Variants in FHOD3 observed in about 807,000 individuals in gnomAD.
FHOD3 encodes the protein FH1/FH2 domain-containing protein 3.
Under a neutral mutation model 173.0 loss-of-function variants are expected in FHOD3, and 90 were observed. That is an observed-to-expected ratio of 0.52 (90% CI 0.44 to 0.62). The LOEUF is 0.62. FHOD3 is among the 20% of genes least tolerant of loss of function. The probability of loss-of-function intolerance (pLI) is 0.00; values close to 1 mark genes in which losing one functional copy is unlikely to be tolerated. For synonymous variants in FHOD3, 828 were observed against 823.0 expected (o/e 1.01, Z -0.10); for missense variants, 1,945 against 2,034.7 (o/e 0.96, Z 0.85).
intron 3 of FHOD3, among the ~76,000 whole-genome samples, chr18:36,436,570 G>T (rs113257015): frequency 1.3e-5 from 2 of 152,128 alleles, no homozygotes; most frequent in East Asian, 1.9e-4. Flanking sequence ...TAACTGCAGC[G>T]ATTTGTGACG....
At chr18:36,755,517 A>C (rs769696755) in intron 25 of FHOD3, among the ~76,000 whole-genome samples, 1 of 149,704 alleles carries the variant, frequency 6.7e-6, no homozygotes, top group Non-Finnish European at 1.5e-5. Flanking sequence ...GAGCTAGGAG[A>C]TGTAAAGTTC....
chr18:36,621,279 T>C (rs1192430483), intron 9 of FHOD3, among the ~76,000 whole-genome samples: 1 of 152,186 alleles, frequency 6.6e-6, no homozygotes, highest in Non-Finnish European at 1.5e-5. Context: ...AATTAATAGG[T>C]CCAATCTCTG....
intron 2 of FHOD3, among the ~76,000 whole-genome samples, chr18:36,362,097 GAAAAATGACCTGCAA>G (rs550269812): frequency 5.1e-4 from 78 of 152,340 alleles, no homozygotes; most frequent in African/African-American, 1.9e-3. Flanking sequence ...TCAGACAGAA[GAAAAATGACCTGCAA>G]AGAGAGCCCC....
chr18:36,371,002 T>C (rs780676187), intron 2 of FHOD3, among the ~76,000 whole-genome samples: 4 of 152,194 alleles, frequency 2.6e-5, no homozygotes, highest in Admixed American at 6.5e-5. Flanking sequence ...GAGTTTTTTG[T>C]GGAGAATATG....
chr18:36,557,895 T>G (rs2057950500), intron 5 of FHOD3, among the ~76,000 whole-genome samples: 1 of 152,226 alleles, frequency 6.6e-6, no homozygotes, highest in Non-Finnish European at 1.5e-5. Context: ...TTTTTAAGAT[T>G]CGTTAGGTGA....
chr18:36,760,886 C>A, intron 27 of FHOD3, 104 bp downstream of exon 27: 6 of 1,255,810 alleles, frequency 4.8e-6, no homozygotes, highest in South Asian at 3.1e-5. Flanking sequence ...GACTGGCCCT[C>A]GGCTCCAGTG....
intron 5 of FHOD3, among the ~76,000 whole-genome samples, chr18:36,542,540 C>T (rs1250629566): frequency 6.6e-6 from 1 of 152,134 alleles, no homozygotes; most frequent in Non-Finnish European, 1.5e-5. Context: ...CTTTTGCTTG[C>T]TAAATATATA....
chr18:36,369,490 CACACACACAT>C (rs1285381371), intron 2 of FHOD3, among the ~76,000 whole-genome samples: 52 of 122,630 alleles, frequency 4.2e-4, no homozygotes, highest in Non-Finnish European at 5.9e-4. Flanking sequence ...CACACACACA[CACACACACAT>C]ATATATAGAG....
intron 1 of FHOD3, among the ~76,000 whole-genome samples, chr18:36,307,327 C>T (rs1202122238): frequency 6.6e-6 from 1 of 152,188 alleles, no homozygotes; most frequent in African/African-American, 2.4e-5. Context: ...CCTCATATCT[C>T]CACAGATGGG....
intron 15 of FHOD3, among the ~76,000 whole-genome samples, chr18:36,686,750 C>T (rs2038646186): frequency 6.6e-6 from 1 of 152,084 alleles, no homozygotes; most frequent in African/African-American, 2.4e-5. Context: ...TATGAAGCTA[C>T]CAGAGCTCAA....
chr18:36,335,166 T>C (rs960270700), intron 1 of FHOD3, among the ~76,000 whole-genome samples: 7 of 152,064 alleles, frequency 4.6e-5, no homozygotes, highest in Non-Finnish European at 1.0e-4. Context: ...ACACATAAAA[T>C]ACACTAACGC....
intron 15 of FHOD3, among the ~76,000 whole-genome samples, chr18:36,682,674 C>T (rs979221512): frequency 9.2e-5 from 14 of 152,216 alleles, no homozygotes; most frequent in Non-Finnish European, 1.3e-4. Context: ...CCTCTGCCTC[C>T]TGGGTTCAAG....
chr18:36,673,983 A>G (rs1352448161), intron 14 of FHOD3, among the ~76,000 whole-genome samples: 1 of 152,210 alleles, frequency 6.6e-6, no homozygotes, highest in Non-Finnish European at 1.5e-5. Flanking sequence ...GAGAAAAACA[A>G]TGTAAGTCAT....
intron 3 of FHOD3, among the ~76,000 whole-genome samples, chr18:36,419,837 C>T (rs1458795152): frequency 1.3e-5 from 2 of 152,204 alleles, no homozygotes; most frequent in African/African-American, 4.8e-5. Context: ...TCCTTCTTTC[C>T]ATATCAAGAA....
At chr18:36,641,633 C>T (rs1019074487) in intron 10 of FHOD3, among the ~76,000 whole-genome samples, 3 of 152,116 alleles carry the variant, frequency 2.0e-5, no homozygotes, top group South Asian at 2.1e-4. Flanking sequence ...AGCCACTGCA[C>T]CCCAGCATCT....
At chr18:36,330,372 C>A (rs980762290) in intron 1 of FHOD3, among the ~76,000 whole-genome samples, 3 of 152,174 alleles carry the variant, frequency 2.0e-5, no homozygotes, top group Admixed American at 6.5e-5. Context: ...TGAGCACTGT[C>A]GAGTGCTCTA....
intron 14 of FHOD3, among the ~76,000 whole-genome samples, chr18:36,668,207 T>C (rs1010528528): frequency 3.4e-4 from 51 of 152,204 alleles, no homozygotes; most frequent in African/African-American, 1.2e-3. Context: ...ATTTATCTTA[T>C]ATTCTTATCA....
At chr18:36,406,889 C>T (rs1294117058) in intron 3 of FHOD3, among the ~76,000 whole-genome samples, 1 of 152,160 alleles carries the variant, frequency 6.6e-6, no homozygotes, top group Non-Finnish European at 1.5e-5. Flanking sequence ...ACCCATCTGT[C>T]CACCTGCTTA....
At chr18:36,521,250 C>G (rs1182534732) in intron 5 of FHOD3, among the ~76,000 whole-genome samples, 1 of 152,102 alleles carries the variant, frequency 6.6e-6, no homozygotes, top group Admixed American at 6.5e-5. Context: ...CTGTGATTTC[C>G]CCTGCCATTA....
Sources: gnomAD v4.1 joint callset for allele counts (sites outside exome capture counted in the v4.1 genomes callset) on GRCh38, gnomAD v4.1.1 for gene constraint, MANE v1.5 for transcripts, NCBI Gene and HGNC (gene_info 2026-07-23, HGNC 2026-07-21) for gene names.